MOV10L1: variants seen among roughly 807,000 people sequenced by gnomAD.
MOV10L1 encodes RNA helicase Mov10l1.
Under a neutral mutation model 143.8 loss-of-function variants are expected in MOV10L1, and 110 were observed. The ratio of observed to expected loss-of-function variants is 0.76; its 90% CI spans 0.66 to 0.90. MOV10L1 has a LOEUF of 0.90. Among genes scored for constraint, MOV10L1 ranks in the 40% least tolerant of loss-of-function variants. MOV10L1 has a pLI of 0.00. For synonymous variants in MOV10L1, 593 were observed against 581.1 expected, an observed-to-expected ratio of 1.02 and a Z score of -0.29; for missense variants, 1,406 against 1,526.8, an observed-to-expected ratio of 0.92 and a Z score of 1.32.
intron 3 of MOV10L1, among the ~76,000 whole-genome samples, chr22:50,102,275 G>A (rs937160218): frequency 2.6e-5 from 4 of 152,192 alleles, no homozygotes; most frequent in Non-Finnish European, 4.4e-5. Flanking sequence ...CTGATACAGA[G>A]TATCTAATGA....
At chr22:50,091,905 AAGG>A (rs1403017685) in intron 1 of MOV10L1, 93 bp from the exon 2 acceptor site, 1 of 1,241,118 alleles carries the variant, frequency 8.1e-7, no homozygotes, top group African/African-American at 1.5e-5. Context: ...ACTGCAAAAA[AAGG>A]AGGCTTTTGC....
intron 19 of MOV10L1, among the ~76,000 whole-genome samples, chr22:50,148,648 G>A (rs1396120364): frequency 1.3e-5 from 2 of 150,400 alleles, no homozygotes; most frequent in Non-Finnish European, 1.5e-5. Flanking sequence ...TCTAGAGACC[G>A]CATTTTCTTT....
At chr22:50,113,335 G>C (rs1489531593) in intron 5 of MOV10L1, among the ~76,000 whole-genome samples, 1 of 152,206 alleles carries the variant, frequency 6.6e-6, no homozygotes, top group Non-Finnish European at 1.5e-5. Flanking sequence ...AGAGGACTGA[G>C]AATGCCACCC....
intron 10 of MOV10L1, among the ~76,000 whole-genome samples, chr22:50,122,376 G>T (rs1464616349): frequency 6.6e-6 from 1 of 152,172 alleles, no homozygotes. Context: ...TAGAAATGAA[G>T]ATAATTTTTG....
chr22:50,144,095 A>G lies in MOV10L1; in HGVS notation c.2359-2A>G. On this transcript the variant is annotated splice_acceptor_variant, in intron 17 of 26. Coordinates refer to ENST00000262794, the MANE Select transcript of MOV10L1 (RefSeq NM_018995.3). LOFTEE classifies it high-confidence loss of function. ...TTGGTCTCTTGTGTGTCTTTGATGAAGGTACACTTTGCCTTGCCGGACAGT... is the reference window on the plus strand; with the variant it reads ...TTGGTCTCTTGTGTGTCTTTGATGAGGGTACACTTTGCCTTGCCGGACAGT... 2 of 1,605,762 alleles carry G rather than the reference A, an allele frequency of 1.2e-6. No individual in the cohort carries two copies. The highest frequency in any genetic ancestry group is 8.5e-7 in the Non-Finnish European group (1 of 1,172,900).
chr22:50,094,399 ATTTTTTTT>A (rs11420958), intron 2 of MOV10L1: 1 of 132,724 alleles, frequency 7.5e-6, no homozygotes, highest in Admixed American at 7.8e-5. Context: ...AAAGCTTTCA[ATTTTTTTT>A]TTTTTTTTTT....
chr22:50,154,490 C>A (rs537501489), intron 22 of MOV10L1, among the ~76,000 whole-genome samples: 93 of 152,110 alleles, frequency 6.1e-4, no homozygotes, highest in African/African-American at 2.2e-3. Context: ...ATTGCTTGAG[C>A]CCAGGAGATT....
Position 50,090,895 on chromosome 22 carries a change from C to T in MOV10L1, c.97+710C>T, listed in dbSNP as rs568644630. Reference sequence around the variant, plus strand: ...TTCGCCATGTTGGTCAGGCTGGTCTCGAACTCCTGATCTCAGGTGACCCAC... The same window carrying T: ...TTCGCCATGTTGGTCAGGCTGGTCTTGAACTCCTGATCTCAGGTGACCCAC... On this transcript the variant is annotated intron_variant, in intron 1 of 26. Transcript: ENST00000262794. 42 of 258,144 alleles carry T rather than the reference C, an allele frequency of 1.6e-4. No homozygotes were observed. In the Admixed American group the frequency reaches 1.8e-3, roughly 11 times the overall value. The allele number at this position is 258,144 out of a possible 1,614,324, so 16.0% of individuals were successfully genotyped here.
intron 11 of MOV10L1, 21 bp downstream of exon 11, chr22:50,125,590 C>T (rs1388115515): frequency 1.9e-6 from 3 of 1,610,294 alleles, no homozygotes; most frequent in Non-Finnish European, 2.5e-6. Context: ...TACTCATATG[C>T]TTCCCTGGGT....
chr22:50,136,367 G>A (rs1190169764), intron 15 of MOV10L1, among the ~76,000 whole-genome samples: 1 of 152,048 alleles, frequency 6.6e-6, no homozygotes, highest in Admixed American at 6.6e-5. Context: ...TCTTCTTATG[G>A]ATTAACTAGA....
intron 5 of MOV10L1, among the ~76,000 whole-genome samples, chr22:50,112,163 C>T (rs2147131257): frequency 6.6e-6 from 1 of 152,342 alleles, no homozygotes; most frequent in East Asian, 1.9e-4. Flanking sequence ...GCCCAGTTCC[C>T]CCTCCCCACT....
intron 2 of MOV10L1, chr22:50,096,286 T>C (rs972511590): frequency 6.6e-6 from 1 of 152,272 alleles, no homozygotes; most frequent in Admixed American, 6.5e-5. Flanking sequence ...ATTTGACTTC[T>C]GTTTTCAAGA....
In MOV10L1 at chr22:50,152,816, G is replaced by A. The variant is rs764234287; in HGVS notation, c.2893-229G>A. Among the ~76,000 whole-genome samples the A allele has an allele frequency of 6.6e-5, 10 of 152,162 alleles. No homozygotes were observed. In the East Asian group the frequency reaches 7.7e-4, roughly 12 times the overall value. On this transcript the variant is annotated intron_variant, in intron 21 of 26. Transcript: ENST00000262794. The surrounding 1 kb of genome is among the most constrained non-coding windows in gnomAD (Gnocchi z 4.4). ...CCCAGGAGAGGAACAGAGGGCAGCC[G>A]TCACACCCTTTTCTTCCTGATGTTT...
At chr22:50,108,302 G>T in intron 4 of MOV10L1, 54 bp downstream of exon 4, 1 of 1,501,876 alleles carries the variant, frequency 6.7e-7, no homozygotes, top group Non-Finnish European at 9.1e-7. Context: ...CTGCCATCAG[G>T]GGTAACTTGC....
At chr22:50,099,631 G>A (rs766549211) in intron 3 of MOV10L1, 29 bp downstream of exon 3, 7 of 1,582,124 alleles carry the variant, frequency 4.4e-6, no homozygotes, top group Non-Finnish European at 6.0e-6. Context: ...GTTCCACATT[G>A]AAAATTAGGT....
chr22:50,156,495 A>T (rs1175770316), intron 22 of MOV10L1, among the ~76,000 whole-genome samples: 1 of 152,250 alleles, frequency 6.6e-6, no homozygotes, highest in Non-Finnish European at 1.5e-5. Context: ...ATCTTGCAGT[A>T]TTAAAATTCT....
intron 9 of MOV10L1, among the ~76,000 whole-genome samples, chr22:50,119,977 C>T (rs715619): frequency 0.22 from 34,075 of 151,904 alleles, 4,180 homozygotes; most frequent in Admixed American, 0.35. Flanking sequence ...TTTCTGTTGC[C>T]GCATTGGGCT....
chr22:50,116,487 G>T (rs1369727373), intron 8 of MOV10L1, among the ~76,000 whole-genome samples: 1 of 151,488 alleles, frequency 6.6e-6, no homozygotes, highest in Non-Finnish European at 1.5e-5. Flanking sequence ...AAAGTGTAGT[G>T]TGGATGATGT....
At chr22:50,133,896 A>AT (rs759987136) in intron 13 of MOV10L1, 111 bp from the exon 14 acceptor site, 13 of 910,268 alleles carry the variant, frequency 1.4e-5, no homozygotes, top group Non-Finnish European at 1.9e-5. Context: ...TGTTGCTGTG[A>AT]TTTTTTTATA....
Sources: gnomAD v4.1 joint callset for allele counts (sites outside exome capture counted in the v4.1 genomes callset) on GRCh38, gnomAD v4.1.1 for gene constraint, Gnocchi (gnomAD v3.1) non-coding constraint, MANE v1.5 for transcripts, NCBI Gene and HGNC (gene_info 2026-07-23, HGNC 2026-07-21) for gene names.